The following LAMA4 variants were observed in gnomAD, a reference collection of about 807,000 sequenced individuals.
The protein encoded by LAMA4 is laminin subunit alpha-4.
In LAMA4, 127 loss-of-function variants were observed where a neutral mutation model predicts 207.1. The ratio of observed to expected loss-of-function variants is 0.61; its 90% confidence interval spans 0.53 to 0.71. LAMA4 has a LOEUF of 0.71. LAMA4 is among the 30% of genes least tolerant of loss of function. The probability of loss-of-function intolerance (pLI) is 0.00; values close to 1 mark genes in which losing one functional copy is unlikely to be tolerated. For missense variants in LAMA4, 2,093 were observed against 2,246.5 expected (o/e 0.93, Z 1.38); for synonymous variants, 761 against 816.0 (o/e 0.93, Z 1.15).
At chr6:112,206,245 G>A (rs1270281878) in intron 4 of LAMA4, among the ~76,000 whole-genome samples, 3 of 152,082 alleles carry the variant, frequency 2.0e-5, no homozygotes, top group Non-Finnish European at 4.4e-5. Context: ...TTGTAGTGGG[G>A]GCATTCTTGT....
At chr6:112,209,891 G>A (rs549854753) in intron 3 of LAMA4, among the ~76,000 whole-genome samples, 39 of 152,280 alleles carry the variant, frequency 2.6e-4, no homozygotes, top group Non-Finnish European at 4.7e-4. Context: ...GTGGGGCCTG[G>A]TGGGAGGCGA....
chr6:112,187,979 G>A (rs1437186440), intron 7 of LAMA4, among the ~76,000 whole-genome samples: 3 of 152,140 alleles, frequency 2.0e-5, no homozygotes, highest in Non-Finnish European at 4.4e-5. Flanking sequence ...GGGTACCAAA[G>A]TTCAGGCTGA....
chr6:112,114,833 A>G (rs1027277585), intron 36 of LAMA4, 77 bp from the exon 37 acceptor site: 92 of 1,021,824 alleles, frequency 9.0e-5, no homozygotes, highest in Admixed American at 5.4e-4. Flanking sequence ...ATAATTTACC[A>G]CAGTGAAGCA....
At chr6:112,179,780 G>A in intron 9 of LAMA4, 1 of 312,316 alleles carries the variant, frequency 3.2e-6, no homozygotes, top group Non-Finnish European at 6.5e-6. Flanking sequence ...ATTGGAGAAG[G>A]GTAATCCCCT....
chr6:112,248,926 G>T (rs1265031591), intron 2 of LAMA4, among the ~76,000 whole-genome samples: 1 of 152,042 alleles, frequency 6.6e-6, no homozygotes, highest in African/African-American at 2.4e-5. Context: ...CTGTAAAATG[G>T]GTATAATTTT....
At chr6:112,133,756 T>C (rs1779179984) in intron 26 of LAMA4, among the ~76,000 whole-genome samples, 1 of 152,170 alleles carries the variant, frequency 6.6e-6, no homozygotes, top group African/African-American at 2.4e-5. Context: ...TTCAGTGAAA[T>C]AGATGGAGAT....
chr6:112,245,443 G>T (rs1318811764), intron 2 of LAMA4, among the ~76,000 whole-genome samples: 2 of 152,252 alleles, frequency 1.3e-5, no homozygotes, highest in Non-Finnish European at 1.5e-5. Context: ...ATGCCATGTT[G>T]CATTTCACTT....
intron 3 of LAMA4, among the ~76,000 whole-genome samples, chr6:112,215,886 C>T (rs1176021514): frequency 6.6e-6 from 1 of 152,192 alleles, no homozygotes; most frequent in African/African-American, 2.4e-5. Flanking sequence ...CTTTCATTTT[C>T]ATCAGCTATT....
intron 2 of LAMA4, among the ~76,000 whole-genome samples, chr6:112,252,133 C>T (rs1787506207): frequency 6.6e-6 from 1 of 152,200 alleles, no homozygotes; most frequent in South Asian, 2.1e-4. Context: ...CTATGCTAAG[C>T]ACTCTATTTT....
At chr6:112,232,444 C>T (rs1220965485) in intron 2 of LAMA4, among the ~76,000 whole-genome samples, 2 of 152,070 alleles carry the variant, frequency 1.3e-5, no homozygotes, top group African/African-American at 4.8e-5. Flanking sequence ...CCCTAATTTC[C>T]CTTCCCTAAG....
chr6:112,229,296 G>GC (rs782506134), intron 2 of LAMA4, among the ~76,000 whole-genome samples: 16 of 152,100 alleles, frequency 1.1e-4, no homozygotes, highest in Non-Finnish European at 2.1e-4. Context: ...GTGGAGAGCA[G>GC]CCCATCTCCC....
rs916580810 is a variant in LAMA4, at chr6:112,114,169, A to G, written c.5233T>C (p.Leu1745=). 6.2e-7 allele frequency: 1 copy of G among 1,613,896 alleles called. No individual in the cohort carries two copies. Among genetic ancestry groups the G allele is most frequent in the Non-Finnish European group, 8.5e-7 (1 of 1,179,816 alleles). The stretch of plus-strand genomic sequence containing the variant: ...TGGTTCACTTCAGAGTCCACATCCA[A>G]CTGAACCACATTAGAATCTCTAATA... ...TVIRDSNVVQ[L]DVDSEVNHVV... The change falls in exon 38 of 39, where the codon TTG becomes CTG. Residue 1745 remains leucine (L), a synonymous_variant. Transcript: ENST00000230538.
intron 2 of LAMA4, among the ~76,000 whole-genome samples, chr6:112,237,519 G>C (rs554122376): frequency 1.1e-4 from 17 of 152,152 alleles, no homozygotes; most frequent in Non-Finnish European, 2.4e-4. Flanking sequence ...TAAAAAAGAG[G>C]CTGCTGTGAT....
chr6:112,153,508 T>C (rs1780518225), intron 16 of LAMA4, among the ~76,000 whole-genome samples: 1 of 152,044 alleles, frequency 6.6e-6, no homozygotes. Context: ...GGGATGTGGG[T>C]AGGGATCGAT....
At chr6:112,158,647 C>G (rs782535988) in intron 14 of LAMA4, 85 bp downstream of exon 14, 52 of 1,303,330 alleles carry the variant, frequency 4.0e-5, no homozygotes, top group Non-Finnish European at 2.0e-5. Context: ...AAAATTGTAT[C>G]CCAGTAGTTC....
Position 112,120,443 on chromosome 6 carries a change from C to G in LAMA4, c.4505G>C (p.Arg1502Pro). ...ATAGAAGATCATGCCATGGGAGGAA[C>G]GAGTTCTCAGACGAATGGAAAACTG... ...KSQFSIRLRT[R>P]SSHGMIFYVS... The change falls in exon 33 of 39, where the codon CGT becomes CCT. Residue 1502 changes from arginine to proline, a missense_variant. Transcript: ENST00000230538. 6.2e-7 allele frequency: 1 copy of G among 1,613,810 alleles called. No individual in the cohort carries two copies. The highest frequency in any genetic ancestry group is 8.5e-7 in the Non-Finnish European group (1 of 1,179,818).
intron 31 of LAMA4, among the ~76,000 whole-genome samples, chr6:112,124,610 A>G (rs1778570572): frequency 6.6e-6 from 1 of 152,060 alleles, no homozygotes; most frequent in South Asian, 2.1e-4. Context: ...TATCAGTGTA[A>G]TTTTTTGTTT....
chr6:112,134,613 G>A lies in LAMA4; in HGVS notation c.3415-4C>T, dbSNP rs1779225864. On this transcript the variant is annotated splice_polypyrimidine_tract_variant and splice_region_variant and intron_variant, in intron 25 of 38. Coordinates refer to ENST00000230538, the MANE Select transcript of LAMA4 (RefSeq NM_001105206.3). ...CATTGTGGTAAATGATTGAGATCTGGGAGAGATAATATATAGTAAGCCTTG... is the reference window on the plus strand; with the variant it reads ...CATTGTGGTAAATGATTGAGATCTGAGAGAGATAATATATAGTAAGCCTTG... The A allele has an allele frequency of 1.9e-6, 3 of 1,600,710 alleles. No individual in the cohort carries two copies. Among genetic ancestry groups the A allele is most frequent in the Non-Finnish European group, 2.6e-6 (3 of 1,169,984 alleles).
At chr6:112,130,174 A>G (rs1332354156) in intron 29 of LAMA4, 134 bp from the exon 30 acceptor site, 1 of 738,806 alleles carries the variant, frequency 1.4e-6, no homozygotes, top group Non-Finnish European at 2.4e-6. Flanking sequence ...CGAGTTGCCA[A>G]ACTCTTCATG....
Sources: gnomAD v4.1 joint callset for allele counts (sites outside exome capture counted in the v4.1 genomes callset) on GRCh38, gnomAD v4.1.1 for gene constraint, MANE v1.5 for transcripts, NCBI Gene and HGNC (gene_info 2026-07-23, HGNC 2026-07-21) for gene names.